Variants in MAP4K4 observed in about 807,000 individuals in gnomAD.
MAP4K4 encodes the protein mitogen-activated protein kinase kinase kinase kinase 4.
A neutral mutation model predicts 189.6 loss-of-function variants in MAP4K4; 38 were observed. The observed-to-expected ratio is 0.20, with a 90% CI of 0.15 to 0.26. The LOEUF is 0.26. MAP4K4 is among the 10% of genes least tolerant of loss of function. The pLI, the probability that MAP4K4 is intolerant of heterozygous loss-of-function variation, is 1.00. For missense variants in MAP4K4, 1,054 were observed against 1,726.9 expected (o/e 0.61, Z 6.91); for synonymous variants, 610 against 624.3 (o/e 0.98, Z 0.34).
intron 27 of MAP4K4, among the ~76,000 whole-genome samples, chr2:101,877,648 G>A (rs1330675409): frequency 6.7e-6 from 1 of 148,684 alleles, no homozygotes; most frequent in Non-Finnish European, 1.5e-5. Context: ...GCTAATTTTT[G>A]TACTTGCAAA....
At chr2:101,741,553 A>T (rs2062836858) in intron 2 of MAP4K4, among the ~76,000 whole-genome samples, 1 of 152,142 alleles carries the variant, frequency 6.6e-6, no homozygotes, top group Non-Finnish European at 1.5e-5. Context: ...TAGATCAAGG[A>T]CATTTTACTC....
chr2:101,829,283 G>A (rs2096509357), intron 5 of MAP4K4, among the ~76,000 whole-genome samples: 1 of 152,152 alleles, frequency 6.6e-6, no homozygotes, highest in Non-Finnish European at 1.5e-5. Context: ...GCTCACACGG[G>A]GAACCTAACC....
chr2:101,808,766 T>A (rs906699538), intron 3 of MAP4K4, among the ~76,000 whole-genome samples: 3 of 152,188 alleles, frequency 2.0e-5, no homozygotes, highest in South Asian at 2.1e-4. Context: ...TTAACTCCTG[T>A]TAAAGCATTA....
At chr2:101,732,487 A>G (rs1431280052) in intron 2 of MAP4K4, among the ~76,000 whole-genome samples, 1 of 152,036 alleles carries the variant, frequency 6.6e-6, no homozygotes, top group Non-Finnish European at 1.5e-5. Context: ...AGCCCCATGC[A>G]ACTGCATTTC....
intron 5 of MAP4K4, among the ~76,000 whole-genome samples, chr2:101,827,797 A>C (rs763202677): frequency 1.3e-5 from 2 of 152,306 alleles, no homozygotes; most frequent in East Asian, 3.9e-4. Context: ...TCTATAACCA[A>C]TACTGTATGA....
chr2:101,790,142 G>C (rs1003869587), intron 2 of MAP4K4, among the ~76,000 whole-genome samples: 11 of 152,184 alleles, frequency 7.2e-5, no homozygotes, highest in African/African-American at 2.7e-4. Flanking sequence ...GGGACTGCAG[G>C]AGAGCTTCAA....
chr2:101,797,124 T>C (rs1575701556), intron 3 of MAP4K4: 2 of 864,814 alleles, frequency 2.3e-6, no homozygotes, highest in Admixed American at 6.9e-5. Context: ...TTTTACCCTT[T>C]TCATTTGGAG....
chr2:101,823,815 G>T, intron 3 of MAP4K4, 113 bp from the exon 4 acceptor site: 2 of 872,840 alleles, frequency 2.3e-6, no homozygotes, highest in South Asian at 1.8e-5. Context: ...ATGTGCCTCT[G>T]CTCCTGGAGG....
At chr2:101,712,307 G>T (rs1033871506) in intron 2 of MAP4K4, among the ~76,000 whole-genome samples, 3 of 151,976 alleles carry the variant, frequency 2.0e-5, no homozygotes, top group African/African-American at 7.3e-5. Flanking sequence ...TGATTCTCCT[G>T]CCTCAGCCTC....
At chr2:101,800,984 T>A (rs557590736) in intron 3 of MAP4K4, among the ~76,000 whole-genome samples, 34 of 152,082 alleles carry the variant, frequency 2.2e-4, no homozygotes, top group Non-Finnish European at 4.1e-4. Context: ...AATAAATGGT[T>A]GAGTAAAAAA....
At chr2:101,875,379 A>G (rs1237277178) in intron 26 of MAP4K4, among the ~76,000 whole-genome samples, 1 of 148,364 alleles carries the variant, frequency 6.7e-6, no homozygotes, top group African/African-American at 2.5e-5. Flanking sequence ...TTTTTTTTTT[A>G]ATCTCTAAGG....
intron 2 of MAP4K4, among the ~76,000 whole-genome samples, chr2:101,763,946 G>T (rs768094931): frequency 5.9e-5 from 9 of 152,082 alleles, no homozygotes; most frequent in Non-Finnish European, 1.2e-4. Context: ...GAGAGGTCAG[G>T]GTGCATGCAG....
At chr2:101,716,302 G>A (rs1351239304) in intron 2 of MAP4K4, among the ~76,000 whole-genome samples, 6 of 152,088 alleles carry the variant, frequency 3.9e-5, no homozygotes, top group Non-Finnish European at 7.4e-5. Flanking sequence ...AATTAGCCGG[G>A]CGTGGTGGCA....
chr2:101,778,965 T>C (rs1395391467), intron 2 of MAP4K4, among the ~76,000 whole-genome samples: 1 of 152,218 alleles, frequency 6.6e-6, no homozygotes, highest in Non-Finnish European at 1.5e-5. Flanking sequence ...CTCGTTTTTC[T>C]AATTTCATGG....
intron 2 of MAP4K4, among the ~76,000 whole-genome samples, chr2:101,758,692 AC>A (rs747812375): frequency 1.5e-4 from 23 of 152,220 alleles, no homozygotes; most frequent in Non-Finnish European, 4.4e-5. Flanking sequence ...AGGAGGAACT[AC>A]GTGGTCTAAA....
intron 3 of MAP4K4, among the ~76,000 whole-genome samples, chr2:101,819,425 T>C (rs964732306): frequency 6.6e-6 from 1 of 152,238 alleles, no homozygotes; most frequent in Non-Finnish European, 1.5e-5. Flanking sequence ...TTTCTAGTGT[T>C]TTTTCCTTCA....
intron 3 of MAP4K4, among the ~76,000 whole-genome samples, chr2:101,823,212 C>T (rs2096177620): frequency 6.6e-6 from 1 of 152,258 alleles, no homozygotes; most frequent in East Asian, 1.9e-4. Context: ...TTCCTTCATT[C>T]CCCACCCTGA....
intron 2 of MAP4K4, among the ~76,000 whole-genome samples, chr2:101,760,850 T>G (rs1030577115): frequency 1.1e-4 from 16 of 151,816 alleles, no homozygotes; most frequent in African/African-American, 3.9e-4. Flanking sequence ...CTAAAAATAC[T>G]AAATTAGCTG....
chr2:101,757,785 C>T lies in MAP4K4; in HGVS notation c.124-32935C>T, dbSNP rs963886051. On this transcript the variant is annotated intron_variant, in intron 2 of 32. Transcript: ENST00000324219. ...CTGTAATGCCAGCACTTTGGGAGGC[C>T]GAGGCGAGTGGATCGCTTGGGGCCA... Among the ~76,000 whole-genome samples, 14 of 152,212 alleles carry T rather than the reference C, an allele frequency of 9.2e-5. 1 individual carries two copies. The East Asian group carries it at 2.5e-3, about 27-fold the overall frequency.
Sources: gnomAD v4.1 joint callset for allele counts (sites outside exome capture counted in the v4.1 genomes callset) on GRCh38, gnomAD v4.1.1 for gene constraint, MANE v1.5 for transcripts, NCBI Gene and HGNC (gene_info 2026-07-23, HGNC 2026-07-21) for gene names.